HAPLN4: variants seen among roughly 807,000 people sequenced by gnomAD.
HAPLN4 encodes brain link protein 2.
In HAPLN4, 19 loss-of-function variants were observed where a neutral mutation model predicts 28.0. The ratio of observed to expected loss-of-function variants is 0.68; its 90% CI spans 0.47 to 1.00. HAPLN4 has a LOEUF of 1.00. Ranked by LOEUF, HAPLN4 falls within the 50% of genes least tolerant of loss-of-function variation. The pLI is 0.00. For synonymous variants in HAPLN4, 274 were observed against 273.0 expected (o/e 1.00, Z -0.03); for missense variants, 587 against 602.6 (o/e 0.97, Z 0.27).
In HAPLN4 at chr19:19,255,377, T is replaced by C. The variant is rs946797360; in HGVS notation, c.*2440A>G. The C allele has an allele frequency of 6.6e-6, 1 of 152,062 alleles. No individual in the cohort carries two copies. The highest frequency in any genetic ancestry group is 1.5e-5 in the Non-Finnish European group (1 of 68,040). 9.4% of individuals were successfully genotyped at this position (152,062 alleles called of 1,614,324 possible). A position where few individuals can be genotyped will look rare whatever the true frequency, so the allele number is the denominator to read the frequency against. ...CTGGCCAACATGGTGAAACCCTGTC[T>C]CTACTAAAAATACAAAAATTAGCCG... On this transcript the variant is annotated 3_prime_UTR_variant, in exon 5 of 5. Transcript: ENST00000291481.
rs748557282 is a variant in HAPLN4, at chr19:19,261,537, G to C, written c.30C>G (p.Pro10=). 1.3e-6 allele frequency: 2 copies of C among 1,586,084 alleles called. No homozygotes were observed. The highest frequency in any genetic ancestry group is 8.6e-7 in the Non-Finnish European group (1 of 1,167,534). Residue 10 remains proline, a synonymous_variant, in exon 2 of 5, where the codon CCC becomes CCG. Coordinates refer to ENST00000291481, the MANE Select transcript of HAPLN4 (RefSeq NM_023002.3). The part of the protein sequence containing the change: MVCARAALG[P]GALWAAAWGV... ...CCCAGGCCGCGGCCCAGAGCGCGCC[G>C]GGACCGAGGGCCGCCCGAGCGCACA... is the stretch of plus-strand genomic sequence containing the variant.
Position 19,255,865 on chromosome 19 carries a change from GCCCCAGGGGGA to G in HAPLN4, c.*1941_*1951del, listed in dbSNP as rs1349909028. On this transcript the variant is annotated 3_prime_UTR_variant, in exon 5 of 5. Coordinates refer to ENST00000291481, the MANE Select transcript of HAPLN4 (RefSeq NM_023002.3). ...TAGAGATGACGTGACAGTAAAGAGG[GCCCCAGGGGGA>G]CCCCAGTACTCCTGCAGGCAAGACT... The G allele has an allele frequency of 2.0e-5, 3 of 152,166 alleles. No individual in the cohort carries two copies. Among genetic ancestry groups the G allele is most frequent in the Non-Finnish European group, 4.4e-5 (3 of 68,036 alleles). The allele number at this position is 152,166 out of a possible 1,614,324, so 9.4% of individuals were successfully genotyped here. A position where few individuals can be genotyped will look rare whatever the true frequency, so the allele number is the denominator to read the frequency against.
intron 1 of HAPLN4, among the ~76,000 whole-genome samples, chr19:19,261,950 G>A (rs552820727): frequency 6.6e-6 from 1 of 152,284 alleles, no homozygotes; most frequent in African/African-American, 2.4e-5. Flanking sequence ...CCGGGCCGGG[G>A]CGGGCAGGGA....
At position 19,258,331 on chromosome 19, in the gene HAPLN4, A is replaced by T. The variant is rs1447427100; in HGVS notation, c.818-123T>A. The T allele has an allele frequency of 8.2e-7, 1 of 1,216,362 alleles. No homozygotes were observed. The highest frequency in any genetic ancestry group is 1.1e-6 in the Non-Finnish European group (1 of 896,194). The allele number at this position is 1,216,362 out of a possible 1,614,324, so 75.3% of individuals were successfully genotyped here. On this transcript the variant is annotated intron_variant, in intron 4 of 4. Transcript: ENST00000291481. This position sits in a 1 kb window ranked among gnomAD's most constrained non-coding sequence, Gnocchi z 6.2. ...GGCCTCGGCCCCGGGATCCAGGAAC[A>T]GTTCCTCCTTTGCAGCCTGGGACCC...
rs1156444835 is a variant in HAPLN4, at chr19:19,255,058, G to A, written c.*2759C>T. ...GTAATGTCTCTCCCTTCCTGGTACA[G>A]GAACCCCCCTTCCAGTTTCCCGAAT... On this transcript the variant is annotated 3_prime_UTR_variant, in exon 5 of 5. Coordinates refer to ENST00000291481, the MANE Select transcript of HAPLN4 (RefSeq NM_023002.3). 1 of 152,234 alleles carries A rather than the reference G, an allele frequency of 6.6e-6. No homozygotes were observed. Among genetic ancestry groups the A allele is most frequent in the Admixed American group, 6.5e-5 (1 of 15,276 alleles). 9.4% of individuals were successfully genotyped at this position (152,234 alleles called of 1,614,324 possible). A position where few individuals can be genotyped will look rare whatever the true frequency, so the allele number is the denominator to read the frequency against.
chr19:19,258,855 C>A lies in HAPLN4; in HGVS notation c.485G>T (p.Gly162Val), dbSNP rs1348831461. The A allele has an allele frequency of 6.5e-7, 1 of 1,547,260 alleles. No individual in the cohort carries two copies. Among genetic ancestry groups the A allele is most frequent in the Non-Finnish European group, 8.7e-7 (1 of 1,145,658 alleles). The change falls in exon 4 of 5, where the codon GGC becomes GTC. Residue 162 changes from glycine to valine, a missense_variant and splice_region_variant. Transcript: ENST00000291481. This position sits in a 1 kb window ranked among gnomAD's most constrained non-coding sequence, Gnocchi z 6.2. ...DAGMVKLDLE[G>V]VVFPYHPRGG... ...ACGGGGGTGGTAGGGAAAGACCACG[C>A]CTGGCGGGGGGCGCACGGGATCAGC...
intron 3 of HAPLN4, among the ~76,000 whole-genome samples, chr19:19,259,645 T>C (rs978782328): frequency 6.6e-6 from 1 of 151,982 alleles, no homozygotes; most frequent in Non-Finnish European, 1.5e-5. Context: ...TCCCTTGGGG[T>C]TTTTAGGAAA....
intron 3 of HAPLN4, among the ~76,000 whole-genome samples, chr19:19,259,564 C>T (rs1035784174): frequency 3.9e-5 from 6 of 152,158 alleles, no homozygotes; most frequent in Non-Finnish European, 8.8e-5. Context: ...GTCTCTGCCA[C>T]CAACTAGCAC....
At position 19,261,119 on chromosome 19, in the gene HAPLN4, G is replaced by T; in HGVS notation, c.178C>A (p.Arg60Ser). 1.2e-6 allele frequency: 2 copies of T among 1,611,138 alleles called. No homozygotes were observed. The highest frequency in any genetic ancestry group is 1.7e-4 in the Middle Eastern group (1 of 5,824). The part of the protein sequence containing the change: ...QTAPGQVVSH[R>S]GGTIVLPCRY... ...CAGGGCAAGACGATGGTGCCACCAC[G>T]GTGGCTTACCACCTGCCCAGGCGCT... Residue 60 changes from arginine (R) to serine (S), a missense_variant, in exon 3 of 5, where the codon CGT (arginine) becomes AGT (serine). Arg to Ser is a moderately radical substitution (Grantham distance 110, BLOSUM62 -1). Coordinates refer to ENST00000291481, the MANE Select transcript of HAPLN4 (RefSeq NM_023002.3).
At position 19,257,833 on chromosome 19, in the gene HAPLN4, G is replaced by A. The variant is rs1327250453; in HGVS notation, c.1193C>T (p.Thr398Ile). Reference sequence around the variant, plus strand: ...ACTCCCAGCCTAGACGTGCAGAGGGGTCCAGGCAGCAGGATCGCGCGCGCC... The same window carrying A: ...ACTCCCAGCCTAGACGTGCAGAGGGATCCAGGCAGCAGGATCGCGCGCGCC... ...AGGARDPAAWTPLHV is the reference protein window; with the variant it reads ...AGGARDPAAWIPLHV The change falls in exon 5 of 5, where the codon ACC (threonine) becomes ATC (isoleucine). Residue 398 changes from threonine (T) to isoleucine (I), a missense_variant. Thr to Ile is a moderately conservative substitution (Grantham distance 89). Transcript: ENST00000291481. The A allele has an allele frequency of 7.1e-7, 1 of 1,416,062 alleles. No individual in the cohort carries two copies. The highest frequency in any genetic ancestry group is 9.1e-7 in the Non-Finnish European group (1 of 1,096,088). The allele number at this position is 1,416,062 out of a possible 1,614,324, so 87.7% of individuals were successfully genotyped here. A position where few individuals can be genotyped will look rare whatever the true frequency, so the allele number is the denominator to read the frequency against.
rs1477505107 is a variant in HAPLN4, at chr19:19,258,215, G to C, written c.818-7C>G. ...TTCAGGAAGAACACGCGCCCTGCGG[G>C]GGTGAGGTGGGGGGTGGGTTATTAG... On this transcript the variant is annotated splice_polypyrimidine_tract_variant and splice_region_variant and intron_variant, in intron 4 of 4. Transcript: ENST00000291481. The surrounding 1 kb of genome is among the most constrained non-coding windows in gnomAD (Gnocchi z 6.2). 2.0e-6 allele frequency: 3 copies of C among 1,477,278 alleles called. No individual in the cohort carries two copies. The highest frequency in any genetic ancestry group is 2.7e-6 in the Non-Finnish European group (3 of 1,115,254). The allele number at this position is 1,477,278 out of a possible 1,614,324, so 91.5% of individuals were successfully genotyped here.
intron 3 of HAPLN4, among the ~76,000 whole-genome samples, chr19:19,260,074 C>T (rs989267388): frequency 1.3e-5 from 2 of 152,186 alleles, no homozygotes; most frequent in Non-Finnish European, 2.9e-5. Flanking sequence ...AGAAAGCCTA[C>T]CTGGGAAGCA....
At chr19:19,262,602 G>A in intron 1 of HAPLN4, 128 bp downstream of exon 1, 1 of 1,113,290 alleles carries the variant, frequency 9.0e-7, no homozygotes, top group South Asian at 1.3e-5. Context: ...AGATCAAAGA[G>A]GGTGAGAGAC....
Position 19,258,457 on chromosome 19 carries a change from G to C in HAPLN4, c.817+66C>G, listed in dbSNP as rs1055570433. ...TTTCTGATCGCTAAGAGCTGGGTGG[G>C]GAAGAAGGCCCCGGGGTTGGGGTAG... On this transcript the variant is annotated intron_variant, in intron 4 of 4. Coordinates refer to ENST00000291481, the MANE Select transcript of HAPLN4 (RefSeq NM_023002.3). This position sits in a 1 kb window ranked among gnomAD's most constrained non-coding sequence, Gnocchi z 6.2. The C allele has an allele frequency of 2.0e-6, 3 of 1,505,020 alleles. No individual in the cohort carries two copies. The highest frequency in any genetic ancestry group is 1.4e-5 in the African/African-American group (1 of 73,014). 93.2% of individuals were successfully genotyped at this position (1,505,020 alleles called of 1,614,324 possible). A position where few individuals can be genotyped will look rare whatever the true frequency, so the allele number is the denominator to read the frequency against.
Position 19,261,450 on chromosome 19 carries a change from C to T in HAPLN4, c.117G>A (p.Val39=). The part of the protein sequence containing the change: ...AQRGRKKVVH[V]LEGESGSVVV... ...CTTTTAGCGGCCCTGACTCACCCAG[C>T]ACGTGCACGACCTTCTTCCGGCCAC... is the stretch of plus-strand genomic sequence containing the variant. Residue 39 remains valine, a synonymous_variant, in exon 2 of 5, where the codon GTG becomes GTA. Transcript: ENST00000291481. The T allele has an allele frequency of 3.7e-6, 6 of 1,610,594 alleles. No homozygotes were observed. The highest frequency in any genetic ancestry group is 5.1e-6 in the Non-Finnish European group (6 of 1,178,082).
rs1010479933 is a variant in HAPLN4, at chr19:19,258,473, G to A, written c.817+50C>T. On this transcript the variant is annotated intron_variant, in intron 4 of 4. Transcript: ENST00000291481. The surrounding 1 kb of genome is among the most constrained non-coding windows in gnomAD (Gnocchi z 6.2). ...GCTGGGTGGGGAAGAAGGCCCCGGG[G>A]TTGGGGTAGTGTTGCAGCAGAGGCC... The A allele has an allele frequency of 1.3e-6, 2 of 1,560,446 alleles. No individual in the cohort carries two copies. Among genetic ancestry groups the A allele is most frequent in the African/African-American group, 1.3e-5 (1 of 74,134 alleles).
rs1467641251 is a variant in HAPLN4 at position 19,257,878 on chromosome 19, C to G, written c.1148G>C (p.Gly383Ala). The change falls in exon 5 of 5, where the codon GGC becomes GCC. Residue 383 changes from glycine to alanine, a missense_variant. By Grantham distance (60) the Gly-to-Ala change is moderately conservative. Coordinates refer to ENST00000291481, the MANE Select transcript of HAPLN4 (RefSeq NM_023002.3). ...CGCGCCCCCTGCCCAGCCGCCGCCG[C>G]CCGCCCAGCCCCAGCCCCAGCCGCC... Reference protein sequence around the residue: ...APGGWGWGWAGGGGWAGGARD... With the variant: ...APGGWGWGWAAGGGWAGGARD... 30 of 1,449,054 alleles carry G rather than the reference C, an allele frequency of 2.1e-5. No homozygotes were observed. The highest frequency in any genetic ancestry group is 2.5e-5 in the Non-Finnish European group (28 of 1,110,836). 89.8% of individuals were successfully genotyped at this position (1,449,054 alleles called of 1,614,324 possible). A position where few individuals can be genotyped will look rare whatever the true frequency, so the allele number is the denominator to read the frequency against.
chr19:19,260,689 G>A (rs1226387140), intron 3 of HAPLN4, 124 bp downstream of exon 3: 1 of 1,176,586 alleles, frequency 8.5e-7, no homozygotes, highest in African/African-American at 1.5e-5. Context: ...ACCAGATATG[G>A]GGGCTCTACC....
intron 1 of HAPLN4, 22 bp from the exon 2 acceptor site, chr19:19,261,585 C>T (rs1056289997): frequency 7.7e-6 from 11 of 1,426,590 alleles, no homozygotes; most frequent in Non-Finnish European, 1.0e-5. Context: ...GCACGGGGCG[C>T]TCAGTCCAGC....
Sources: gnomAD v4.1 joint callset for allele counts (sites outside exome capture counted in the v4.1 genomes callset) on GRCh38, gnomAD v4.1.1 for gene constraint, Gnocchi (gnomAD v3.1) non-coding constraint, MANE v1.5 for transcripts, NCBI Gene and HGNC (gene_info 2026-07-23, HGNC 2026-07-21) for gene names.